The following KCNH5 variants were observed in gnomAD, a reference collection of about 807,000 sequenced individuals.
KCNH5 encodes voltage-gated delayed rectifier potassium channel KCNH5.
A neutral mutation model predicts 96.1 loss-of-function variants in KCNH5; 46 were observed. That is an observed-to-expected ratio of 0.48 (90% CI 0.38 to 0.61). KCNH5 has a LOEUF of 0.61. Ranked by LOEUF, KCNH5 falls within the 20% of genes least tolerant of loss-of-function variation. The pLI, the probability that KCNH5 is intolerant of heterozygous loss-of-function variation, is 0.00. For synonymous variants in KCNH5, 439 were observed against 449.8 expected, an observed-to-expected ratio of 0.98 and a Z score of 0.30; for missense variants, 907 against 1,225.8, an observed-to-expected ratio of 0.74 and a Z score of 3.88.
chr14:62,987,371 A>T (rs949887517), intron 4 of KCNH5, among the ~76,000 whole-genome samples, 184 bp from the exon 5 acceptor site: 2 of 152,202 alleles, frequency 1.3e-5, no homozygotes, highest in Non-Finnish European at 2.9e-5. Flanking sequence ...TGGCCATAAA[A>T]TAATGAGCAA....
At chr14:62,806,556 AAAGG>A (rs1886770223) in intron 8 of KCNH5, among the ~76,000 whole-genome samples, 1 of 152,074 alleles carries the variant, frequency 6.6e-6, no homozygotes, top group South Asian at 2.1e-4. Context: ...CCCTCCCTAC[AAAGG>A]AAGCAGACCG....
At chr14:62,899,039 A>G (rs964246488) in intron 7 of KCNH5, among the ~76,000 whole-genome samples, 8 of 152,264 alleles carry the variant, frequency 5.3e-5, no homozygotes, top group African/African-American at 1.4e-4. Context: ...ATTTTAACAC[A>G]TTTATTTTAA....
chr14:62,925,505 T>C (rs1271045903), intron 7 of KCNH5, among the ~76,000 whole-genome samples: 1 of 152,086 alleles, frequency 6.6e-6, no homozygotes, highest in Non-Finnish European at 1.5e-5. Context: ...CATCAAATTT[T>C]TGTCAGCCTA....
intron 5 of KCNH5, among the ~76,000 whole-genome samples, chr14:62,985,130 G>A (rs1890681159): frequency 6.6e-6 from 1 of 152,128 alleles, no homozygotes; most frequent in South Asian, 2.1e-4. Flanking sequence ...AAAGAAAGTT[G>A]TATCTCATTG....
At chr14:62,778,845 A>C (rs975440413) in intron 10 of KCNH5, among the ~76,000 whole-genome samples, 1 of 152,236 alleles carries the variant, frequency 6.6e-6, no homozygotes, top group African/African-American at 2.4e-5. Flanking sequence ...TGGAACCCTA[A>C]GTAGGAATTA....
At chr14:62,963,176 G>A (rs1594648298) in intron 6 of KCNH5, among the ~76,000 whole-genome samples, 2 of 152,160 alleles carry the variant, frequency 1.3e-5, no homozygotes, top group Admixed American at 1.3e-4. Flanking sequence ...TTTTATTACA[G>A]TACATTATAG....
At chr14:62,802,285 C>T (rs1426112217) in intron 9 of KCNH5, 44 bp downstream of exon 9, 4 of 1,582,126 alleles carry the variant, frequency 2.5e-6, no homozygotes, top group Non-Finnish European at 3.4e-6. Context: ...ATATCTAAAA[C>T]TGTTACTACG....
At chr14:62,746,247 A>G (rs1566647082) in intron 10 of KCNH5, among the ~76,000 whole-genome samples, 1 of 152,182 alleles carries the variant, frequency 6.6e-6, no homozygotes, top group Non-Finnish European at 1.5e-5. Context: ...TAATATCTGT[A>G]TTTGGTCCTC....
At chr14:62,976,592 C>T (rs963248998) in intron 6 of KCNH5, among the ~76,000 whole-genome samples, 1 of 152,102 alleles carries the variant, frequency 6.6e-6, no homozygotes, top group African/African-American at 2.4e-5. Context: ...CCCATCAAAA[C>T]TGATGAAAAT....
chr14:62,937,948 G>A lies in KCNH5; in HGVS notation c.1369+12185C>T, dbSNP rs148600028. Among the ~76,000 whole-genome samples the A allele has an allele frequency of 6.6e-4, 101 of 152,178 alleles. 2 individuals are homozygous for A. In the East Asian group the frequency reaches 0.017, roughly 26 times the overall value. ...AAGGGACCGTTTGGACCCTTTCTAAGGAAACCAACAGGAAAACTCAACAGC... is the reference window on the plus strand; with the variant it reads ...AAGGGACCGTTTGGACCCTTTCTAAAGAAACCAACAGGAAAACTCAACAGC... On this transcript the variant is annotated intron_variant, in intron 7 of 10. Coordinates refer to ENST00000322893, the MANE Select transcript of KCNH5 (RefSeq NM_139318.5).
intron 1 of KCNH5, among the ~76,000 whole-genome samples, chr14:63,034,279 T>C (rs1415408191): frequency 6.6e-6 from 1 of 152,178 alleles, no homozygotes; most frequent in Admixed American, 6.5e-5. Context: ...TTAAGTTTCA[T>C]AGAACAGTAA....
At chr14:62,745,219 G>A (rs1028066741) in intron 10 of KCNH5, among the ~76,000 whole-genome samples, 3 of 152,136 alleles carry the variant, frequency 2.0e-5, no homozygotes, top group Non-Finnish European at 4.4e-5. Context: ...GTTTGCTTGT[G>A]TAGATCAGAA....
chr14:62,979,402 A>C (rs1890564357), intron 6 of KCNH5, among the ~76,000 whole-genome samples: 1 of 152,116 alleles, frequency 6.6e-6, no homozygotes, highest in African/African-American at 2.4e-5. Flanking sequence ...CACAATATCA[A>C]AATACAATGT....
chr14:62,714,848 TG>T (rs1427008226), intron 10 of KCNH5, among the ~76,000 whole-genome samples: 1 of 152,224 alleles, frequency 6.6e-6, no homozygotes, highest in Non-Finnish European at 1.5e-5. Context: ...GTCCATCTTT[TG>T]TCCAATGGCA....
At chr14:62,799,568 C>T (rs373770586) in intron 9 of KCNH5, among the ~76,000 whole-genome samples, 920 of 91,958 alleles carry the variant, frequency 0.01, 14 homozygotes, top group African/African-American at 0.035. Flanking sequence ...AGTGAAACTC[C>T]GTCTCAAAAA....
At chr14:62,810,423 C>G (rs1005094017) in intron 8 of KCNH5, among the ~76,000 whole-genome samples, 9 of 152,080 alleles carry the variant, frequency 5.9e-5, no homozygotes, top group African/African-American at 2.2e-4. Flanking sequence ...TGAATAGGAG[C>G]TGGGTAAAAT....
chr14:62,742,423 A>G (rs1174176609), intron 10 of KCNH5, among the ~76,000 whole-genome samples: 1 of 151,780 alleles, frequency 6.6e-6, no homozygotes, highest in African/African-American at 2.4e-5. Flanking sequence ...TCTTGTGTAC[A>G]GCTTTGGAAT....
chr14:62,747,069 C>T lies in KCNH5; in HGVS notation c.2019+32659G>A, dbSNP rs187913672. Among the ~76,000 whole-genome samples the T allele has an allele frequency of 6.6e-5, 10 of 152,358 alleles. No individual in the cohort carries two copies. In the East Asian group the frequency reaches 1.9e-3, roughly 29 times the overall value. On this transcript the variant is annotated intron_variant, in intron 10 of 10. Coordinates refer to ENST00000322893, the MANE Select transcript of KCNH5 (RefSeq NM_139318.5). ...CAAACTCAGGCCGGACGCGGCGGCT[C>T]ATGCCTGTAATCCCAGCACTTCGGG...
intron 9 of KCNH5, among the ~76,000 whole-genome samples, chr14:62,780,916 C>T (rs965205470): frequency 2.0e-5 from 3 of 152,074 alleles, no homozygotes; most frequent in Admixed American, 6.5e-5. Context: ...TTCCTAGAGG[C>T]ACTCTGTTAA....
Sources: gnomAD v4.1 joint callset for allele counts (sites outside exome capture counted in the v4.1 genomes callset) on GRCh38, gnomAD v4.1.1 for gene constraint, MANE v1.5 for transcripts, NCBI Gene and HGNC (gene_info 2026-07-23, HGNC 2026-07-21) for gene names.